Variants in YWHAZ observed in about 807,000 individuals in gnomAD.
YWHAZ encodes the protein 14-3-3 protein zeta/delta.
For missense variants in YWHAZ, 79 were observed against 284.8 expected, an observed-to-expected ratio of 0.28 and a Z score of 5.20; for synonymous variants, 87 against 103.6, an observed-to-expected ratio of 0.84 and a Z score of 0.97.
At chr8:100,923,441 T>C (rs1056891187) in intron 5 of YWHAZ, 2 of 152,328 alleles carry the variant, frequency 1.3e-5, no homozygotes. Flanking sequence ...TAGGGAATTA[T>C]GTTGATGTTC....
chr8:100,953,029 G>T (rs956585485), upstream of YWHAZ: 24 of 999,886 alleles, frequency 2.4e-5, no homozygotes, highest in Non-Finnish European at 2.9e-5. Flanking sequence ...AGGTGGGCCG[G>T]GCCGGGCGGA....
chr8:100,950,980 G>T (rs565362495), intron 1 of YWHAZ: 1 of 211,418 alleles, frequency 4.7e-6, no homozygotes, highest in Admixed American at 6.5e-5. Context: ...ATCAAGCACG[G>T]GAGCCGACTG....
chr8:100,923,839 T>C (rs752003918), intron 5 of YWHAZ, 116 bp downstream of exon 5: 104 of 722,258 alleles, frequency 1.4e-4, no homozygotes, highest in Non-Finnish European at 2.3e-4. Flanking sequence ...TGAGAGCCTA[T>C]GAAATGTGTT....
intron 2 of YWHAZ, among the ~76,000 whole-genome samples, chr8:100,928,881 G>A (rs1455431495): frequency 2.6e-5 from 4 of 152,162 alleles, no homozygotes; most frequent in Non-Finnish European, 4.4e-5. Context: ...GACATGAATG[G>A]CTCCAAGAGA....
At position 100,934,154 on chromosome 8, in the gene YWHAZ, T is replaced by C. The variant is rs1373247343; in HGVS notation, c.295-9115A>G. 7.1e-5 allele frequency among the ~76,000 whole-genome samples: 4 copies of C among 55,956 alleles called. No homozygotes were observed. The Admixed American group carries it at 7.8e-4, about 11-fold the overall frequency. 36.7% of individuals were successfully genotyped at this position (55,956 alleles called of 152,430 possible). On this transcript the variant is annotated intron_variant, in intron 2 of 5. Transcript: ENST00000395958. Reference sequence around the variant, plus strand: ...AGCCTGGGCAACAAAGCTAGACTCGTCTCAAAAAAAAAAAAAAAAAAAAAA... The same window carrying C: ...AGCCTGGGCAACAAAGCTAGACTCGCCTCAAAAAAAAAAAAAAAAAAAAAA...
At chr8:100,931,145 A>G (rs1461348357) in intron 2 of YWHAZ, among the ~76,000 whole-genome samples, 2 of 152,252 alleles carry the variant, frequency 1.3e-5, no homozygotes, top group African/African-American at 2.4e-5. Context: ...TGGGGTTCAA[A>G]TAACATTTTT....
At chr8:100,951,878 A>G (rs1179623338) in intron 1 of YWHAZ, 51 bp downstream of exon 1, 56 of 989,826 alleles carry the variant, frequency 5.7e-5, no homozygotes, top group Non-Finnish European at 6.5e-5. Flanking sequence ...ACGCGTTCGG[A>G]AGGCTGGCCT....
At chr8:100,953,224 A>G (rs1441748255), upstream of YWHAZ, 2 of 985,320 alleles carry the variant, frequency 2.0e-6, no homozygotes, top group East Asian at 2.3e-4. Context: ...CTACCCAAAT[A>G]AAGCTTTCAC....
intron 2 of YWHAZ, 143 bp from the exon 3 acceptor site, chr8:100,925,182 G>T: frequency 1.1e-6 from 1 of 875,762 alleles, no homozygotes; most frequent in Non-Finnish European, 1.7e-6. Context: ...AATGCAGCTG[G>T]CACATGAATT....
intron 2 of YWHAZ, among the ~76,000 whole-genome samples, chr8:100,942,193 T>C (rs1809918919): frequency 2.0e-5 from 3 of 152,190 alleles, no homozygotes; most frequent in South Asian, 4.1e-4. Context: ...CTTACTGATA[T>C]CAAGTCAGCT....
chr8:100,941,291 C>T (rs572216280), intron 2 of YWHAZ, among the ~76,000 whole-genome samples: 12 of 152,246 alleles, frequency 7.9e-5, no homozygotes, highest in South Asian at 4.1e-4. Context: ...ATGTTTATTA[C>T]GTTTAAGGAG....
intron 2 of YWHAZ, among the ~76,000 whole-genome samples, chr8:100,927,249 A>T (rs1178652067): frequency 1.3e-5 from 2 of 152,240 alleles, no homozygotes; most frequent in Admixed American, 6.5e-5. Flanking sequence ...ATTGCAGGGC[A>T]CGGTGGCTCA....
chr8:100,921,213 T>C (rs971003415), intron 5 of YWHAZ, among the ~76,000 whole-genome samples: 1 of 152,128 alleles, frequency 6.6e-6, no homozygotes, highest in Non-Finnish European at 1.5e-5. Flanking sequence ...TTTGTATTTT[T>C]AGGAGAGACG....
intron 2 of YWHAZ, among the ~76,000 whole-genome samples, chr8:100,937,134 A>G (rs1263550708): frequency 2.6e-5 from 4 of 152,224 alleles, no homozygotes; most frequent in African/African-American, 7.2e-5. Context: ...CATGTGGACA[A>G]TCTGGCAAAA....
chr8:100,951,415 A>AGGGAGAGG, intron 1 of YWHAZ: 1 of 978,408 alleles, frequency 1.0e-6, no homozygotes, highest in Non-Finnish European at 1.2e-6. Context: ...GGGGAGGGAA[A>AGGGAGAGG]GGAGGGGGCG....
At chr8:100,938,806 T>C (rs1814394575) in intron 2 of YWHAZ, among the ~76,000 whole-genome samples, 1 of 152,228 alleles carries the variant, frequency 6.6e-6, no homozygotes, top group East Asian at 1.9e-4. Context: ...CTCACTTGCT[T>C]TCAACCAATT....
At position 100,951,653 on chromosome 8, in the gene YWHAZ, C is replaced by G. The variant is rs975363513; in HGVS notation, c.-12+276G>C. The stretch of plus-strand genomic sequence containing the variant: ...TCCCCAGGGATCTCGCGTGTGGGCG[C>G]CCTACCCACCCCCGGGGGCAGGACG... On this transcript the variant is annotated intron_variant, in intron 1 of 5. Transcript: ENST00000395958. 5 of 985,142 alleles carry G rather than the reference C, an allele frequency of 5.1e-6. No homozygotes were observed. The African/African-American group carries it at 8.7e-5, about 17-fold the overall frequency. The allele number at this position is 985,142 out of a possible 1,614,324, so 61.0% of individuals were successfully genotyped here. A position where few individuals can be genotyped will look rare whatever the true frequency, so the allele number is the denominator to read the frequency against.
At chr8:100,941,630 C>A (rs958034171) in intron 2 of YWHAZ, among the ~76,000 whole-genome samples, 4 of 152,048 alleles carry the variant, frequency 2.6e-5, no homozygotes, top group Admixed American at 6.5e-5. Context: ...ACTAAAAATA[C>A]AAAAATTAGC....
In YWHAZ at chr8:100,923,938, T is replaced by C. The variant is rs369129171; in HGVS notation, c.678+17A>G. ...CTTCAACCACATTCATCACTAATGATGCTGTTATGTACTTACTGTCAAGTT... is the reference window on the plus strand; with the variant it reads ...CTTCAACCACATTCATCACTAATGACGCTGTTATGTACTTACTGTCAAGTT... On this transcript the variant is annotated intron_variant, in intron 5 of 5. Transcript: ENST00000395958. 102 of 1,589,252 alleles carry C rather than the reference T, an allele frequency of 6.4e-5. No homozygotes were observed. Among genetic ancestry groups the C allele is most frequent in the Non-Finnish European group, 3.3e-5 (39 of 1,169,230 alleles).
Sources: gnomAD v4.1 joint callset for allele counts (sites outside exome capture counted in the v4.1 genomes callset) on GRCh38, gnomAD v4.1.1 for gene constraint, MANE v1.5 for transcripts, NCBI Gene and HGNC (gene_info 2026-07-23, HGNC 2026-07-21) for gene names.